The following GSE1 variants were observed in gnomAD, a reference collection of about 807,000 sequenced individuals.
GSE1 encodes the protein Gse1 coiled-coil protein.
Under a neutral mutation model 112.6 loss-of-function variants are expected in GSE1, and 32 were observed. The ratio of observed to expected loss-of-function variants is 0.28; its 90% CI spans 0.21 to 0.38. GSE1 has a LOEUF of 0.38. GSE1 is among the 10% of genes least tolerant of loss of function. The pLI, the probability that GSE1 is intolerant of heterozygous loss-of-function variation, is 1.00. For missense variants in GSE1, 2,348 were observed against 1,699.2 expected (o/e 1.38, Z -6.71); for synonymous variants, 1,115 against 735.6 (o/e 1.52, Z -8.35).
chr16:85,623,251 G>C (rs977692636), intron 1 of GSE1, among the ~76,000 whole-genome samples: 8 of 142,768 alleles, frequency 5.6e-5, no homozygotes. Context: ...GTCTCGCTCT[G>C]TCACCTACAT....
chr16:85,291,527 G>T (rs1252732032), intron 1 of GSE1, among the ~76,000 whole-genome samples: 2 of 152,238 alleles, frequency 1.3e-5, no homozygotes, highest in Non-Finnish European at 2.9e-5. Context: ...ATAAAGGGCT[G>T]TCGGCCCTGG....
At chr16:85,641,481 G>T (rs1369571237) in intron 2 of GSE1, among the ~76,000 whole-genome samples, 1 of 151,542 alleles carries the variant, frequency 6.6e-6, no homozygotes, top group African/African-American at 2.4e-5. Context: ...CGCAGGCCGC[G>T]GGTCGGGAGA....
In GSE1 at chr16:85,327,474, A is replaced by G. The variant is rs148780313; in HGVS notation, c.2284-29989A>G. On this transcript the variant is annotated intron_variant, in intron 1 of 2. Transcript: ENST00000637419. Reference sequence around the variant, plus strand: ...AAAAATTAGCTGGGCATGGTGGCACATACCTGTAGTCCCAGCTACTCCAGA... The same window carrying G: ...AAAAATTAGCTGGGCATGGTGGCACGTACCTGTAGTCCCAGCTACTCCAGA... Among the ~76,000 whole-genome samples the G allele has an allele frequency of 1.6e-3, 242 of 152,264 alleles. 1 individual carries two copies. The highest frequency in any genetic ancestry group is 5.4e-3 in the African/African-American group (224 of 41,550).
intron 1 of GSE1, among the ~76,000 whole-genome samples, chr16:85,271,880 G>A (rs1908870842): frequency 6.6e-6 from 1 of 152,204 alleles, no homozygotes; most frequent in Admixed American, 6.5e-5. Flanking sequence ...TGTTCTAAGG[G>A]TAGCAGCCGG....
intron 1 of GSE1, among the ~76,000 whole-genome samples, chr16:85,235,428 C>CTCTGTGTG (rs775585078): frequency 0.05 from 6,261 of 126,346 alleles, 237 homozygotes; most frequent in Admixed American, 0.062. Context: ...TGGAAGGGTA[C>CTCTGTGTG]TGTGTGTGTG....
At chr16:85,391,988 C>T (rs1331733097) in intron 2 of GSE1, among the ~76,000 whole-genome samples, 1 of 152,066 alleles carries the variant, frequency 6.6e-6, no homozygotes, top group African/African-American at 2.4e-5. Flanking sequence ...TGGATACCTC[C>T]CCATCGTCCT....
intron 1 of GSE1, among the ~76,000 whole-genome samples, chr16:85,255,798 C>T (rs908768064): frequency 3.3e-5 from 5 of 152,100 alleles, no homozygotes; most frequent in Non-Finnish European, 7.3e-5. Flanking sequence ...AAGCCATCCT[C>T]CCACTTCAGC....
chr16:85,613,313 G>T (rs2048120960), upstream of GSE1: 2 of 1,547,966 alleles, frequency 1.3e-6, no homozygotes, highest in Non-Finnish European at 1.7e-6. Context: ...AGCCCCGGGT[G>T]AGATAAGCAG....
intron 1 of GSE1, among the ~76,000 whole-genome samples, chr16:85,627,496 G>GGGGGTGGGGGTC (rs2049175061): frequency 6.6e-6 from 1 of 151,672 alleles, no homozygotes; most frequent in Non-Finnish European, 1.5e-5. Context: ...TTTTTTTCCT[G>GGGGGTGGGGGTC]GGGGTGGGGG....
chr16:85,381,408 T>G (rs1032457571), intron 2 of GSE1, among the ~76,000 whole-genome samples: 1 of 152,254 alleles, frequency 6.6e-6, no homozygotes, highest in Non-Finnish European at 1.5e-5. Context: ...AGAATGCTGC[T>G]GGGAACATGA....
chr16:85,242,579 C>G (rs775983165), intron 1 of GSE1, among the ~76,000 whole-genome samples: 10 of 152,236 alleles, frequency 6.6e-5, no homozygotes, highest in Non-Finnish European at 1.0e-4. Context: ...GAGGCCCATC[C>G]AGGACAGCCG....
intron 1 of GSE1, among the ~76,000 whole-genome samples, chr16:85,254,140 CG>C (rs1391762813): frequency 2.0e-5 from 3 of 152,210 alleles, no homozygotes; most frequent in Non-Finnish European, 4.4e-5. Flanking sequence ...TCTCACCTCT[CG>C]GGATCGCCCC....
At chr16:85,416,434 C>T (rs2048703797) in intron 2 of GSE1, among the ~76,000 whole-genome samples, 1 of 152,080 alleles carries the variant, frequency 6.6e-6, no homozygotes, top group Non-Finnish European at 1.5e-5. Flanking sequence ...GGGTTCAGAG[C>T]GGCTCCTCCC....
At chr16:85,537,655 G>T (rs2044376931) in intron 2 of GSE1, among the ~76,000 whole-genome samples, 1 of 152,254 alleles carries the variant, frequency 6.6e-6, no homozygotes, top group Non-Finnish European at 1.5e-5. Context: ...CGCCTGGTTG[G>T]CTTCGTACCT....
chr16:85,317,185 T>C (rs1567683990), intron 1 of GSE1, among the ~76,000 whole-genome samples: 4 of 152,202 alleles, frequency 2.6e-5, no homozygotes, highest in Admixed American at 2.0e-4. Context: ...GGCCTTTGTC[T>C]GGTTGTAGTG....
At chr16:85,321,339 G>T (rs1426494404) in intron 1 of GSE1, among the ~76,000 whole-genome samples, 1 of 152,170 alleles carries the variant, frequency 6.6e-6, no homozygotes, top group Non-Finnish European at 1.5e-5. Context: ...GCGAAGAAGG[G>T]ATCCACTCCA....
chr16:85,538,164 C>T (rs1164169367), intron 2 of GSE1, among the ~76,000 whole-genome samples: 4 of 152,212 alleles, frequency 2.6e-5, no homozygotes, highest in Non-Finnish European at 2.9e-5. Context: ...CGTTCTGAGC[C>T]GTTGCCGGGC....
At chr16:85,657,093 C>T (rs1008369383) in intron 7 of GSE1, among the ~76,000 whole-genome samples, 184 bp from the exon 8 acceptor site, 7 of 152,208 alleles carry the variant, frequency 4.6e-5, no homozygotes, top group Non-Finnish European at 8.8e-5. Context: ...GCGTTTCCTT[C>T]CAGGGACAAG....
chr16:85,209,793 G>C (rs1032647253), intron 1 of GSE1, among the ~76,000 whole-genome samples: 1 of 152,242 alleles, frequency 6.6e-6, no homozygotes, highest in African/African-American at 2.4e-5. Flanking sequence ...AGCTGAGGCT[G>C]AGGGGGCCGC....
Sources: allele counts gnomAD v4.1 joint callset (sites outside exome capture counted in the v4.1 genomes callset), GRCh38; gene constraint gnomAD v4.1.1; transcripts MANE v1.5; gene names NCBI Gene and HGNC (gene_info 2026-07-23, HGNC 2026-07-21).